TTN: variants seen among roughly 807,000 people sequenced by gnomAD.
The protein encoded by TTN is connectin.
Under a neutral mutation model 3,223.0 loss-of-function variants are expected in TTN, and 1,525 were observed. That is an observed-to-expected ratio of 0.47 (90% CI 0.45 to 0.49). TTN has a LOEUF of 0.49. Ranked by LOEUF, TTN falls within the 20% of genes least tolerant of loss-of-function variation. The pLI, the probability that TTN is intolerant of heterozygous loss-of-function variation, is 0.00. For missense variants in TTN, 40,786 were observed against 43,424.0 expected (o/e 0.94, Z 5.40); for synonymous variants, 14,094 against 15,161.0 (o/e 0.93, Z 5.17).
chr2:178,712,202 G>T lies in TTN; in HGVS notation c.27628C>A (p.Gln9210Lys), dbSNP rs759893948. 3 of 1,613,198 alleles carry T rather than the reference G, an allele frequency of 1.9e-6. No individual in the cohort carries two copies. The highest frequency in any genetic ancestry group is 2.7e-5 in the African/African-American group (2 of 74,898). The change falls in exon 96 of 363, where the codon CAG becomes AAG. Residue 9210 changes from glutamine to lysine, a missense_variant. By Grantham distance (53) the Gln-to-Lys change is moderately conservative. Transcript: ENST00000589042. ...ACAGACACCTTAACCGGCTCCAACTGCTTGACAAAATACGGTGGTTCTGCA... is the reference window on the plus strand; with the variant it reads ...ACAGACACCTTAACCGGCTCCAACTTCTTGACAAAATACGGTGGTTCTGCA... ...LILEPPYFVK[Q>K]LEPVKVSVGD...
In TTN at chr2:178,694,745, TG is replaced by T; in HGVS notation, c.31349-70del. 2.0e-6 allele frequency: 3 copies of T among 1,493,300 alleles called. No individual in the cohort carries two copies. In the South Asian group the frequency reaches 3.8e-5, roughly 19 times the overall value. The allele number at this position is 1,493,300 out of a possible 1,614,324, so 92.5% of individuals were successfully genotyped here. On this transcript the variant is annotated intron_variant, in intron 116 of 362. Coordinates refer to ENST00000589042, the MANE Select transcript of TTN (RefSeq NM_001267550.2). ...GCTTTGCACAAAATTTAAAAGTATT[TG>T]ATTATATAAATAACTAATGTGAGTA...
chr2:178,730,027 G>GGCCCCC, intron 62 of TTN, 66 bp downstream of exon 62: 4 of 803,168 alleles, frequency 5.0e-6, no homozygotes, highest in Non-Finnish European at 7.7e-6. Flanking sequence ...AGCGTCCCCC[G>GGCCCCC]CCCCGGCCCA....
Position 178,568,926 on chromosome 2 carries a change from C to G in TTN, c.77206G>C (p.Glu25736Gln). The change falls in exon 326 of 363, where the codon GAA (glutamate) becomes CAA (glutamine). Residue 25736 changes from glutamate (E) to glutamine (Q), a missense_variant. By Grantham distance (29) the Glu-to-Gln change is conservative. Coordinates refer to ENST00000589042, the MANE Select transcript of TTN (RefSeq NM_001267550.2). ...GGSKIIQYIV[E>Q]MQAKHSEKWS... ...TTCTCACTGTGTTTAGCTTGCATTT[C>G]CACAATATACTGAATGATTTTACTG... is the stretch of plus-strand genomic sequence containing the variant. 6.2e-7 allele frequency: 1 copy of G among 1,613,408 alleles called. No homozygotes were observed. Among genetic ancestry groups the G allele is most frequent in the South Asian group, 1.1e-5 (1 of 91,062 alleles).
At chr2:178,736,562 A>G (rs961907504) in intron 49 of TTN, among the ~76,000 whole-genome samples, 2 of 152,182 alleles carry the variant, frequency 1.3e-5, no homozygotes, top group African/African-American at 4.8e-5. Context: ...CTATGAATGC[A>G]TCCTCTAGGC....
At position 178,739,325 on chromosome 2, in the gene TTN, A is replaced by G. The variant is rs1553936091; in HGVS notation, c.13908T>C (p.Asn4636=). Residue 4636 remains asparagine (N), a synonymous_variant, in exon 48 of 363, where the codon AAT becomes AAC. Transcript: ENST00000589042. Reference sequence around the variant, plus strand: ...GCACCAGTTTATTCTCAAAATACCAATTCACCTCTTTAGCATTTGTTATGG... The same window carrying G: ...GCACCAGTTTATTCTCAAAATACCAGTTCACCTCTTTAGCATTTGTTATGG... ...TTSITNAKEV[N]WYFENKLVPS... is the part of the protein sequence containing the mutation. 6.8e-6 allele frequency: 11 copies of G among 1,613,642 alleles called. No homozygotes were observed. The African/African-American group carries it at 8.0e-5, about 12-fold the overall frequency.
rs774966378 is a variant in TTN, at chr2:178,740,668, T to C, written c.12565A>G (p.Met4189Val). Reference sequence around the variant, plus strand: ...AATGAATTAATTTGTTCTATGGACATGGCACTTGGGAAGATTTTCTCGGTA... The same window carrying C: ...AATGAATTAATTTGTTCTATGGACACGGCACTTGGGAAGATTTTCTCGGTA... The part of the protein sequence containing the change: ...SDTEKIFPSA[M>V]SIEQINSLTV... Residue 4189 changes from methionine (M) to valine (V), a missense_variant, in exon 48 of 363, where the codon ATG becomes GTG. Met to Val is a conservative substitution (Grantham distance 21, BLOSUM62 1). Coordinates refer to ENST00000589042, the MANE Select transcript of TTN (RefSeq NM_001267550.2). The C allele has an allele frequency of 4.3e-6, 7 of 1,613,866 alleles. No homozygotes were observed. Among genetic ancestry groups the C allele is most frequent in the Non-Finnish European group, 5.9e-6 (7 of 1,179,814 alleles).
chr2:178,616,796 G>C lies in TTN; in HGVS notation c.48093C>G (p.Gly16031=). The C allele has an allele frequency of 6.2e-7, 1 of 1,612,678 alleles. No homozygotes were observed. Among genetic ancestry groups the C allele is most frequent in the Non-Finnish European group, 8.5e-7 (1 of 1,179,178 alleles). ...GGTTTTCTAATTTCAGTGTATAAAT[G>C]CCCTTGTCTGAACGTTCACTTGGAG... is the stretch of plus-strand genomic sequence containing the variant. ...VISPSERSDK[G]IYTLKLENRV... The change falls in exon 256 of 363, where the codon GGC becomes GGG. Residue 16031 remains glycine (G), a synonymous_variant. Coordinates refer to ENST00000589042, the MANE Select transcript of TTN (RefSeq NM_001267550.2).
chr2:178,616,413 TCC>T, intron 257 of TTN, 64 bp downstream of exon 257: 1 of 1,591,716 alleles, frequency 6.3e-7, no homozygotes, highest in Non-Finnish European at 8.5e-7. Flanking sequence ...TTGTATGGCA[TCC>T]CAACCTTCTG....
chr2:178,799,113 G>A (rs1009374291), intron 6 of TTN: 3 of 245,570 alleles, frequency 1.2e-5, no homozygotes, highest in Non-Finnish European at 2.4e-5. Context: ...GGGCAGGGAA[G>A]TGCTGGGAAG....
At chr2:178,749,046 G>C in intron 47 of TTN, 1 of 1,612,442 alleles carries the variant, frequency 6.2e-7, no homozygotes, top group Non-Finnish European at 8.5e-7. Flanking sequence ...TTTTTCCCCG[G>C]GTAGTGTATC....
Position 178,613,725 on chromosome 2 carries a change from C to T in TTN, c.49532+26G>A, listed in dbSNP as rs1463004148. 3.1e-6 allele frequency: 5 copies of T among 1,604,952 alleles called. No homozygotes were observed. The South Asian group carries it at 3.4e-5, about 11-fold the overall frequency. ...ACATTTGAATATACTGCTGTCTTAA[C>T]ATCTTGATGGGGATTCTGAGCATAC... On this transcript the variant is annotated intron_variant, in intron 263 of 362. Coordinates refer to ENST00000589042, the MANE Select transcript of TTN (RefSeq NM_001267550.2).
Position 178,730,911 on chromosome 2 carries a change from AG to A in TTN, c.17740+13del, listed in dbSNP as rs1166897783. On this transcript the variant is annotated intron_variant, in intron 60 of 362. Coordinates refer to ENST00000589042, the MANE Select transcript of TTN (RefSeq NM_001267550.2). Reference sequence around the variant, plus strand: ...GGAAATGCCCAATCCTCTCTGTAGAAGAACAATACCAACCTAATACATTAAT... The same window carrying A: ...GGAAATGCCCAATCCTCTCTGTAGAAAACAATACCAACCTAATACATTAAT... 1.9e-6 allele frequency: 3 copies of A among 1,573,938 alleles called. No individual in the cohort carries two copies. In the African/African-American group the frequency reaches 4.1e-5, roughly 21 times the overall value.
intron 361 of TTN, chr2:178,527,957 T>A (rs920597641): frequency 3.6e-6 from 2 of 551,722 alleles, no homozygotes; most frequent in Admixed American, 7.0e-5. Flanking sequence ...TATATTTCTA[T>A]CATTACATTA....
chr2:178,679,958 C>CTCT lies in TTN; in HGVS notation c.33513_33515dup (p.Glu11172dup), dbSNP rs368327166. 26,133 of 1,613,012 alleles carry CTCT rather than the reference C, an allele frequency of 0.016. 231 individuals are homozygous for CTCT. Among genetic ancestry groups the CTCT allele is most frequent in the Non-Finnish European group, 0.02 (23,238 of 1,179,290 alleles). ...TGAACTCCTCTTCTTCATGAATGTA[C>CTCT]TCTTCTTCTTCTTCTACAAGATATT... On this transcript the variant is annotated inframe_insertion, in exon 140 of 363. Transcript: ENST00000589042.
chr2:178,593,171 A>G lies in TTN; in HGVS notation c.59035+2T>C, dbSNP rs779249450. On this transcript the variant is annotated splice_donor_variant, in intron 299 of 362. Transcript: ENST00000589042. LOFTEE classifies it high-confidence loss of function. ...AACTGAATAAATCCATTAATACTATACCAATTGGATCTTTAGCAAAGACTG... is the reference window on the plus strand; with the variant it reads ...AACTGAATAAATCCATTAATACTATGCCAATTGGATCTTTAGCAAAGACTG... 1 of 1,612,884 alleles carries G rather than the reference A, an allele frequency of 6.2e-7. No homozygotes were observed. Among genetic ancestry groups the G allele is most frequent in the South Asian group, 1.1e-5 (1 of 90,984 alleles).
At position 178,636,434 on chromosome 2, in the gene TTN, T is replaced by C. The variant is rs1376605407; in HGVS notation, c.41293A>G (p.Lys13765Glu). 30 of 1,611,312 alleles carry C rather than the reference T, an allele frequency of 1.9e-5. No homozygotes were observed. Among genetic ancestry groups the C allele is most frequent in the Non-Finnish European group, 2.5e-5 (30 of 1,178,478 alleles). ...AGTTTAGCCGTGGAGGTCTTTTCTT[T>C]GTTTCCCAAACGTAAAACACAGGTG... Reference protein sequence around the residue: ...EYTCVLRLGNKEKTSTAKLVV... With the variant: ...EYTCVLRLGNEEKTSTAKLVV... Residue 13765 changes from lysine to glutamate, a missense_variant, in exon 225 of 363, where the codon AAA (lysine) becomes GAA (glutamate). Physicochemically the swap from Lys to Glu is moderately conservative, Grantham distance 56. Coordinates refer to ENST00000589042, the MANE Select transcript of TTN (RefSeq NM_001267550.2). This position sits in a 1 kb window ranked among gnomAD's most constrained non-coding sequence, Gnocchi z 4.3.
In TTN at chr2:178,585,356, A is replaced by C. The variant is rs2154180463; in HGVS notation, c.64397-9T>G. ...AAGGATCTTTGGTGGCACTGAAAGT[A>C]AAATGAAAAGATATTAATTTTGGGA... On this transcript the variant is annotated splice_polypyrimidine_tract_variant and intron_variant, in intron 308 of 362. Transcript: ENST00000589042. The C allele has an allele frequency of 6.4e-7, 1 of 1,560,308 alleles. No homozygotes were observed. The highest frequency in any genetic ancestry group is 8.6e-7 in the Non-Finnish European group (1 of 1,156,322).
chr2:178,684,404 C>T lies in TTN; in HGVS notation c.32648G>A (p.Arg10883Lys), dbSNP rs116676813. Residue 10883 changes from arginine (R) to lysine (K), a missense_variant, in exon 132 of 363, where the codon AGG becomes AAG. Transcript: ENST00000589042. Reference protein sequence around the residue: ...EEPLPAKVTERHMQITQEEKV... With the variant: ...EEPLPAKVTEKHMQITQEEKV... ...TTCTTCCTGGGTAATTTGCATGTGC[C>T]TCTCAGTCACTTAAAAGATAATTTT... The T allele has an allele frequency of 0.016, 25,353 of 1,613,186 alleles. 243 individuals carry two copies. Among genetic ancestry groups the T allele is most frequent in the Non-Finnish European group, 0.018 (21,767 of 1,179,452 alleles).
rs777315600 is a variant in TTN at position 178,782,571 on chromosome 2, G to A, written c.3132C>T (p.Ala1044=). 61 of 1,613,804 alleles carry A rather than the reference G, an allele frequency of 3.8e-5. No individual in the cohort carries two copies. Among genetic ancestry groups the A allele is most frequent in the Middle Eastern group, 1.6e-4 (1 of 6,082 alleles). ...VSEEFEKETT[A]VTEKFTTEEK... ...CTTCTGTAGTAAATTTCTCAGTCAC[G>A]GCTGTGGTTTCCTTTTCAAATTCTT... The change falls in exon 19 of 363, where the codon GCC becomes GCT. Residue 1044 remains alanine (A), a synonymous_variant. Coordinates refer to ENST00000589042, the MANE Select transcript of TTN (RefSeq NM_001267550.2).
Sources: allele counts gnomAD v4.1 joint callset (sites outside exome capture counted in the v4.1 genomes callset), GRCh38; gene constraint gnomAD v4.1.1; non-coding constraint Gnocchi (gnomAD v3.1); transcripts MANE v1.5; gene names NCBI Gene and HGNC (gene_info 2026-07-23, HGNC 2026-07-21).